CALN1: variants seen among roughly 807,000 people sequenced by gnomAD.
CALN1 encodes calneuron 1.
CALN1 carries 17 observed loss-of-function variants against 30.6 expected under a neutral mutation model. The ratio of observed to expected loss-of-function variants is 0.56; its 90% CI spans 0.38 to 0.83. CALN1 has a LOEUF of 0.83. Among genes scored for constraint, CALN1 ranks in the 40% least tolerant of loss-of-function variants. CALN1 has a pLI of 0.00. For synonymous variants in CALN1, 156 were observed against 131.4 expected (o/e 1.19, Z -1.28); for missense variants, 291 against 354.9 (o/e 0.82, Z 1.45).
chr7:72,490,843 T>G, the CALN1 span, among the ~76,000 whole-genome samples: 3 of 152,194 alleles, frequency 2.0e-5, no homozygotes, highest in African/African-American at 7.2e-5. Context: ...GCTCTTTTCT[T>G]CATAAATTAC....
chr7:72,371,107 T>G (rs1804217547), intron 2 of CALN1, among the ~76,000 whole-genome samples: 1 of 152,028 alleles, frequency 6.6e-6, no homozygotes, highest in Non-Finnish European at 1.5e-5. Context: ...TATATTAATT[T>G]GTTCTTATTA....
chr7:72,457,664 A>G, the CALN1 span, among the ~76,000 whole-genome samples: 3 of 151,722 alleles, frequency 2.0e-5, no homozygotes, highest in African/African-American at 7.3e-5. Flanking sequence ...CAGTCACCAC[A>G]CTGCATAGCT....
At chr7:71,941,286 G>A (rs556204815) in intron 5 of CALN1, among the ~76,000 whole-genome samples, 2 of 151,630 alleles carry the variant, frequency 1.3e-5, no homozygotes, top group African/African-American at 4.8e-5. Flanking sequence ...GGGAGGCGGA[G>A]GTTGCAGTGA....
At chr7:72,011,631 A>G (rs998403617) in intron 5 of CALN1, among the ~76,000 whole-genome samples, 2 of 152,122 alleles carry the variant, frequency 1.3e-5, no homozygotes, top group African/African-American at 4.8e-5. Context: ...GTTCAGGGCC[A>G]AGATTCTACT....
chr7:72,017,032 C>A (rs1800427967), intron 5 of CALN1, among the ~76,000 whole-genome samples: 1 of 112,834 alleles, frequency 8.9e-6, no homozygotes, highest in Admixed American at 8.2e-5. Flanking sequence ...GGTATGGTGG[C>A]ACACACCTGT....
At chr7:72,143,440 A>G (rs1248001382) in intron 3 of CALN1, among the ~76,000 whole-genome samples, 4 of 152,210 alleles carry the variant, frequency 2.6e-5, no homozygotes, top group African/African-American at 4.8e-5. Flanking sequence ...GAATAAAAAG[A>G]AATGAACAAA....
intron 2 of CALN1, among the ~76,000 whole-genome samples, chr7:72,390,065 C>G (rs1009558229): frequency 2.6e-5 from 4 of 151,976 alleles, no homozygotes; most frequent in African/African-American, 9.7e-5. Flanking sequence ...GGTGGGAGAC[C>G]AGGTTGGCTA....
chr7:71,995,866 T>C (rs1799226075), intron 5 of CALN1, among the ~76,000 whole-genome samples: 1 of 151,988 alleles, frequency 6.6e-6, no homozygotes, highest in Non-Finnish European at 1.5e-5. Flanking sequence ...GTGCGTGGCC[T>C]GGGGAATGCT....
At chr7:72,208,825 A>T (rs1792086244) in intron 3 of CALN1, among the ~76,000 whole-genome samples, 1 of 152,208 alleles carries the variant, frequency 6.6e-6, no homozygotes, top group South Asian at 2.1e-4. Flanking sequence ...AAAGCAGGAG[A>T]AGTGAATACA....
rs1051828301 is a variant in CALN1, at chr7:71,779,531, T to G, written c.*8244A>C. 1 of 152,144 alleles carries G rather than the reference T, an allele frequency of 6.6e-6. No homozygotes were observed. Among genetic ancestry groups the G allele is most frequent in the African/African-American group, 2.4e-5 (1 of 41,448 alleles). The allele number at this position is 152,144 out of a possible 1,614,324, so 9.4% of individuals were successfully genotyped here. A position where few individuals can be genotyped will look rare whatever the true frequency, so the allele number is the denominator to read the frequency against. The stretch of plus-strand genomic sequence containing the variant: ...ACTTTTATTTTTTCTATTGCATAAA[T>G]AATGGTAAATTAGACTCTTTTTATA... On this transcript the variant is annotated 3_prime_UTR_variant, in exon 7 of 7. Transcript: ENST00000395275.
chr7:72,286,433 G>A (rs912055670), intron 2 of CALN1, among the ~76,000 whole-genome samples: 2 of 152,168 alleles, frequency 1.3e-5, no homozygotes, highest in Admixed American at 1.3e-4. Flanking sequence ...TTGGTGAGAA[G>A]GATCCCAGGA....
At chr7:72,378,630 T>C (rs551489709) in intron 2 of CALN1, among the ~76,000 whole-genome samples, 1 of 152,340 alleles carries the variant, frequency 6.6e-6, no homozygotes, top group East Asian at 1.9e-4. Context: ...CACATTACTT[T>C]CATATACCTT....
intron 1 of CALN1, among the ~76,000 whole-genome samples, chr7:72,428,151 A>G (rs1271252300): frequency 6.6e-6 from 1 of 152,170 alleles, no homozygotes; most frequent in Non-Finnish European, 1.5e-5. Context: ...CACTGTGAGG[A>G]ATGATCATAT....
intron 2 of CALN1, among the ~76,000 whole-genome samples, chr7:72,399,862 C>T (rs1806220708): frequency 6.6e-6 from 1 of 152,120 alleles, no homozygotes; most frequent in African/African-American, 2.4e-5. Context: ...AATGCCTGGG[C>T]ACCCTTCCTG....
intron 2 of CALN1, among the ~76,000 whole-genome samples, chr7:72,341,970 A>G (rs1802406087): frequency 6.6e-6 from 1 of 151,980 alleles, no homozygotes; most frequent in African/African-American, 2.4e-5. Context: ...AGAAGTAGAG[A>G]AGGCTAGGCA....
chr7:72,279,762 A>G (rs547577863), intron 2 of CALN1, among the ~76,000 whole-genome samples: 1 of 152,352 alleles, frequency 6.6e-6, no homozygotes, highest in African/African-American at 2.4e-5. Context: ...TCCTGGCCCA[A>G]CTTGTCTAAT....
Position 72,106,255 on chromosome 7 carries a change from T to C in CALN1, c.284A>G (p.Asn95Ser), listed in dbSNP as rs755404452. 1.2e-6 allele frequency: 2 copies of C among 1,613,960 alleles called. No individual in the cohort carries two copies. Among genetic ancestry groups the C allele is most frequent in the Non-Finnish European group, 8.5e-7 (1 of 1,179,994 alleles). Residue 95 changes from asparagine (N) to serine (S), a missense_variant, in exon 4 of 7, where the codon AAC (asparagine) becomes AGC (serine). Physicochemically the swap from Asn to Ser is conservative, Grantham distance 46 (BLOSUM62 1). Around this residue, in one of 2 missense-constraint regions of CALN1, gnomAD observed 169 missense variants for 251.7 expected, o/e 0.67. Transcript: ENST00000395275. ...EAFRVLDRDGNGFISKQELGM... is the reference protein window; with the variant it reads ...EAFRVLDRDGSGFISKQELGM... ...CAGCTCCTGCTTGGAGATGAAGCCG[T>C]TCCCATCCCGGTCCAGAACCCGAAA...
At chr7:72,308,045 T>A (rs1227370971) in intron 2 of CALN1, among the ~76,000 whole-genome samples, 1 of 152,088 alleles carries the variant, frequency 6.6e-6, no homozygotes. Flanking sequence ...TTGCTCAAGA[T>A]GTGTAATAAA....
chr7:71,894,936 T>C (rs1193609388), intron 5 of CALN1, among the ~76,000 whole-genome samples: 7 of 152,180 alleles, frequency 4.6e-5, no homozygotes, highest in Non-Finnish European at 1.5e-5. Context: ...ATGTTTGTGT[T>C]GCATTCAGCT....
Sources: allele counts gnomAD v4.1 joint callset (sites outside exome capture counted in the v4.1 genomes callset), GRCh38; gene constraint gnomAD v4.1.1; regional missense constraint gnomAD v4.1.1; transcripts MANE v1.5; gene names NCBI Gene and HGNC (gene_info 2026-07-23, HGNC 2026-07-21).